FAM13C: variants seen among roughly 807,000 people sequenced by gnomAD.
The protein encoded by FAM13C is family with sequence similarity 13 member C, also known as protein FAM13C.
FAM13C carries 37 observed loss-of-function variants against 73.2 expected under a neutral mutation model. The observed-to-expected ratio is 0.51, with a 90% CI of 0.39 to 0.67. The LOEUF is 0.67. Ranked by LOEUF, FAM13C falls within the 30% of genes least tolerant of loss-of-function variation. The pLI is 0.00. For synonymous variants in FAM13C, 246 were observed against 260.9 expected (o/e 0.94, Z 0.55); for missense variants, 589 against 715.6 (o/e 0.82, Z 2.02).
At chr10:59,329,696 T>C (rs917449757) in intron 3 of FAM13C, among the ~76,000 whole-genome samples, 2 of 152,162 alleles carry the variant, frequency 1.3e-5, no homozygotes, top group African/African-American at 2.4e-5. Context: ...TATTACCCAG[T>C]TTACTGCTTT....
intron 10 of FAM13C, among the ~76,000 whole-genome samples, chr10:59,256,455 C>A (rs1180980788): frequency 1.3e-5 from 2 of 152,190 alleles, no homozygotes; most frequent in Admixed American, 6.5e-5. Context: ...AGAAAACTAT[C>A]TTCCACAGAT....
At chr10:59,287,234 G>C (rs1452182840) in intron 5 of FAM13C, among the ~76,000 whole-genome samples, 3 of 149,544 alleles carry the variant, frequency 2.0e-5, no homozygotes, top group African/African-American at 4.9e-5. Flanking sequence ...CTACTCGGGA[G>C]TCTGAGACAG....
intron 5 of FAM13C, among the ~76,000 whole-genome samples, chr10:59,288,470 G>A (rs1845850666): frequency 6.6e-6 from 1 of 151,346 alleles, no homozygotes. Flanking sequence ...TCCAGACTGG[G>A]CAACAGGGGG....
intron 3 of FAM13C, among the ~76,000 whole-genome samples, chr10:59,325,418 G>A (rs1480908249): frequency 2.6e-5 from 4 of 152,126 alleles, no homozygotes; most frequent in African/African-American, 9.7e-5. Flanking sequence ...AAAATAATTA[G>A]CCCTATCAAG....
chr10:59,271,190 G>T (rs749698384), intron 6 of FAM13C, among the ~76,000 whole-genome samples: 8 of 152,176 alleles, frequency 5.3e-5, no homozygotes, highest in Admixed American at 2.6e-4. Flanking sequence ...CTTCTCCAAC[G>T]AAAGGGGAAA....
chr10:59,282,683 T>C (rs1300525773), intron 6 of FAM13C: 1 of 152,244 alleles, frequency 6.6e-6, no homozygotes, highest in Non-Finnish European at 1.5e-5. Context: ...CTCTCACTTA[T>C]ATAAATCAGT....
intron 4 of FAM13C, among the ~76,000 whole-genome samples, chr10:59,313,849 A>T (rs895909607): frequency 1.3e-5 from 2 of 152,196 alleles, no homozygotes; most frequent in East Asian, 3.8e-4. Flanking sequence ...GAGGCGTGAG[A>T]TTATAGAGGG....
At chr10:59,274,213 G>A (rs1026902856) in intron 6 of FAM13C, among the ~76,000 whole-genome samples, 10 of 137,080 alleles carry the variant, frequency 7.3e-5, no homozygotes, top group African/African-American at 1.3e-4. Context: ...AAACAACCAA[G>A]AAAACATGGA....
chr10:59,344,791 T>C (rs1489893765), intron 3 of FAM13C, among the ~76,000 whole-genome samples: 1 of 152,122 alleles, frequency 6.6e-6, no homozygotes, highest in Non-Finnish European at 1.5e-5. Context: ...CTATAGACCA[T>C]GCATTTTACC....
intron 10 of FAM13C, among the ~76,000 whole-genome samples, chr10:59,255,346 G>T (rs560249661): frequency 6.6e-6 from 1 of 152,226 alleles, no homozygotes; most frequent in East Asian, 1.9e-4. Context: ...CCCCTCTGCT[G>T]TAAGACCCAT....
intron 10 of FAM13C, among the ~76,000 whole-genome samples, chr10:59,258,992 A>T (rs2133429565): frequency 6.6e-6 from 1 of 152,302 alleles, no homozygotes; most frequent in South Asian, 2.1e-4. Context: ...GTCCTTAGAA[A>T]GGTCAATATT....
chr10:59,249,914 G>C (rs1049764640), intron 13 of FAM13C, among the ~76,000 whole-genome samples: 1 of 152,190 alleles, frequency 6.6e-6, no homozygotes, highest in Non-Finnish European at 1.5e-5. Flanking sequence ...AGCACACCAA[G>C]TGACACTGCA....
At chr10:59,303,253 A>G (rs752338586) in intron 4 of FAM13C, among the ~76,000 whole-genome samples, 1 of 152,174 alleles carries the variant, frequency 6.6e-6, no homozygotes. Context: ...CTCAGCTCAC[A>G]GGGCACCTCC....
intron 6 of FAM13C, 65 bp from the exon 7 acceptor site, chr10:59,270,174 T>A: frequency 6.8e-7 from 1 of 1,481,246 alleles, no homozygotes; most frequent in Non-Finnish European, 9.3e-7. Flanking sequence ...GTCATGTTCC[T>A]AAATAAAGAT....
rs142562987 is a variant in FAM13C at position 59,291,024 on chromosome 10, G to T, written c.508-7577C>A. Among the ~76,000 whole-genome samples, 1,323 of 152,252 alleles carry T rather than the reference G, an allele frequency of 8.7e-3. 23 individuals carry two copies. The highest frequency in any genetic ancestry group is 0.03 in the African/African-American group (1,258 of 41,554). ...TCTGGTTCAGTAGGTCTGAGGCAGGGTCTTTCAACACAAGAAGTCCAAGGG... is the reference window on the plus strand; with the variant it reads ...TCTGGTTCAGTAGGTCTGAGGCAGGTTCTTTCAACACAAGAAGTCCAAGGG... On this transcript the variant is annotated intron_variant, in intron 5 of 13. Transcript: ENST00000618804.
chr10:59,314,333 C>A (rs992976372), intron 4 of FAM13C, among the ~76,000 whole-genome samples: 20 of 152,180 alleles, frequency 1.3e-4, no homozygotes, highest in Non-Finnish European at 1.5e-5. Flanking sequence ...GCTGAACATG[C>A]AGTTCATTTA....
At chr10:59,352,175 C>A in intron 3 of FAM13C, 95 bp downstream of exon 3, 1 of 1,421,452 alleles carries the variant, frequency 7.0e-7, no homozygotes, top group South Asian at 1.3e-5. Context: ...AATCCCCTCC[C>A]GCAAAACAGT....
intron 5 of FAM13C, among the ~76,000 whole-genome samples, chr10:59,300,372 T>G (rs1847454196): frequency 6.6e-6 from 1 of 152,218 alleles, no homozygotes; most frequent in Non-Finnish European, 1.5e-5. Flanking sequence ...TTTTTGGTTT[T>G]AGACTCGCAA....
At chr10:59,325,884 C>T (rs1245825884) in intron 3 of FAM13C, among the ~76,000 whole-genome samples, 5 of 152,036 alleles carry the variant, frequency 3.3e-5, no homozygotes, top group Admixed American at 1.3e-4. Flanking sequence ...ATGCTTATTT[C>T]ACATTTCTAT....
Sources: gnomAD v4.1 joint callset for allele counts (sites outside exome capture counted in the v4.1 genomes callset) on GRCh38, gnomAD v4.1.1 for gene constraint, MANE v1.5 for transcripts, NCBI Gene and HGNC (gene_info 2026-07-23, HGNC 2026-07-21) for gene names.